The following NFRKB variants were observed in gnomAD, a reference collection of about 807,000 sequenced individuals.
NFRKB encodes nuclear factor related to kappa-B-binding protein.
NFRKB carries 62 observed loss-of-function variants against 135.7 expected under a neutral mutation model. That is an observed-to-expected ratio of 0.46 (90% CI 0.37 to 0.56). The LOEUF is 0.56. NFRKB is among the 20% of genes least tolerant of loss of function. The pLI is 0.00. For missense variants in NFRKB, 1,545 were observed against 1,662.0 expected (o/e 0.93, Z 1.22); for synonymous variants, 678 against 635.6 (o/e 1.07, Z -1.00).
chr11:129,866,119 G>C (rs1194640772), intron 24 of NFRKB, 136 bp from the exon 25 acceptor site: 1 of 677,790 alleles, frequency 1.5e-6, no homozygotes, highest in Non-Finnish European at 2.4e-6. Context: ...GGGTCTCAAG[G>C]CTCCTGAGGT....
rs887390573 is a variant in NFRKB, at chr11:129,894,339, C to G, written c.-22+20G>C. On this transcript the variant is annotated intron_variant, in intron 2 of 26. Coordinates refer to ENST00000682444, the MANE Select transcript of NFRKB (RefSeq NM_001143835.2). The stretch of plus-strand genomic sequence containing the variant: ...TTCCATATTCCACATTCCACAAACA[C>G]CACATTCCACAAATCTTACCACGCC... 6.6e-6 allele frequency: 1 copy of G among 152,212 alleles called. No individual in the cohort carries two copies. Among genetic ancestry groups the G allele is most frequent in the Non-Finnish European group, 1.5e-5 (1 of 68,040 alleles). 9.4% of individuals were successfully genotyped at this position (152,212 alleles called of 1,614,324 possible). A position where few individuals can be genotyped will look rare whatever the true frequency, so the allele number is the denominator to read the frequency against.
chr11:129,870,159 G>T lies in NFRKB; in HGVS notation c.2866C>A (p.Pro956Thr). Residue 956 changes from proline (P) to threonine (T), a missense_variant, in exon 24 of 27, where the codon CCG becomes ACG. Physicochemically the swap from Pro to Thr is conservative, Grantham distance 38. Around this residue, in one of 3 missense-constraint regions of NFRKB, gnomAD observed 753 missense variants for 804.3 expected, o/e 0.94. Transcript: ENST00000682444. ...GCATCTGTGGTGATGGAAGAGGGCG[G>T]CAGACGCAATACATCCTTACCCTGG... ...RIQGKDVLRL[P>T]PSSITTDAKG... 1 of 1,614,248 alleles carries T rather than the reference G, an allele frequency of 6.2e-7. No homozygotes were observed. The highest frequency in any genetic ancestry group is 8.5e-7 in the Non-Finnish European group (1 of 1,180,054).
intron 13 of NFRKB, among the ~76,000 whole-genome samples, chr11:129,880,057 T>C (rs1783909): frequency 0.77 from 117,401 of 151,982 alleles, 46,143 homozygotes; most frequent in African/African-American, 0.93. Flanking sequence ...CATGGTTGCG[T>C]ACGCCTGTGG....
At position 129,882,556 on chromosome 11, in the gene NFRKB, A is replaced by T; in HGVS notation, c.977T>A (p.Ile326Asn). The change falls in exon 10 of 27, where the codon ATC becomes AAC. Residue 326 changes from isoleucine to asparagine, a missense_variant. By Grantham distance (149) the Ile-to-Asn change is moderately radical. Transcript: ENST00000682444. ...EEKKKKKIKT[I>N]KSEAEDLAEP... ...GGCCAGGTCCTCTGCCTCTGATTTG[A>T]TCGTTTTTATTTTCTTCTTCTTCTT... is the stretch of plus-strand genomic sequence containing the variant. 1 of 1,613,854 alleles carries T rather than the reference A, an allele frequency of 6.2e-7. No homozygotes were observed. The highest frequency in any genetic ancestry group is 1.1e-5 in the South Asian group (1 of 91,052).
At position 129,887,961 on chromosome 11, in the gene NFRKB, C is replaced by T. The variant is rs182602708; in HGVS notation, c.337+633G>A. Among the ~76,000 whole-genome samples the T allele has an allele frequency of 1.7e-4, 26 of 152,276 alleles. No homozygotes were observed. In the East Asian group the frequency reaches 2.1e-3, roughly 12 times the overall value. ...CTGAGGCAGGAGAATGGCGTGAACGCGGGAGGCAGAGTTTGCAGTGAGCTG... is the reference window on the plus strand; with the variant it reads ...CTGAGGCAGGAGAATGGCGTGAACGTGGGAGGCAGAGTTTGCAGTGAGCTG... On this transcript the variant is annotated intron_variant, in intron 4 of 26. Transcript: ENST00000682444.
chr11:129,892,641 G>C, intron 3 of NFRKB, 74 bp downstream of exon 3: 3 of 1,501,418 alleles, frequency 2.0e-6, no homozygotes, highest in Middle Eastern at 2.4e-4. Flanking sequence ...GAAATGTAGA[G>C]TGGAAAAGGT....
At position 129,873,846 on chromosome 11, in the gene NFRKB, G is replaced by T. The variant is rs768491344; in HGVS notation, c.2449C>A (p.Pro817Thr). ...VVAQPSLPAV[P>T]QQSGGPAQTL... ...TGTGCCGGCCCTCCCGACTGCTGGGGAACAGCAGGAAGGCTAGGCTGGGCC... is the reference window on the plus strand; with the variant it reads ...TGTGCCGGCCCTCCCGACTGCTGGGTAACAGCAGGAAGGCTAGGCTGGGCC... The change falls in exon 22 of 27, where the codon CCC (proline) becomes ACC (threonine). Residue 817 changes from proline to threonine, a missense_variant. This residue lies in a region of NFRKB where 753 missense variants were observed against 804.3 expected (regional missense o/e 0.94). Coordinates refer to ENST00000682444, the MANE Select transcript of NFRKB (RefSeq NM_001143835.2). 9.3e-6 allele frequency: 15 copies of T among 1,614,070 alleles called. No homozygotes were observed. In the East Asian group the frequency reaches 2.9e-4, roughly 31 times the overall value.
chr11:129,874,245 G>A lies in NFRKB; in HGVS notation c.2147C>T (p.Pro716Leu). The part of the protein sequence containing the change: ...SQMSLSDSSM[P>L]PTPVTPVTPT... Reference sequence around the variant, plus strand: ...GGTTACAGGTGTGACTGGGGTGGGTGGCATACTGGAGTCACTGAGGCTCAT... The same window carrying A: ...GGTTACAGGTGTGACTGGGGTGGGTAGCATACTGGAGTCACTGAGGCTCAT... Residue 716 changes from proline (P) to leucine (L), a missense_variant, in exon 21 of 27, where the codon CCA becomes CTA. Transcript: ENST00000682444. This position sits in a 1 kb window ranked among gnomAD's most constrained non-coding sequence, Gnocchi z 4.5. The A allele has an allele frequency of 1.3e-6, 2 of 1,518,208 alleles. No homozygotes were observed. The highest frequency in any genetic ancestry group is 1.8e-6 in the Non-Finnish European group (2 of 1,135,710). 94.0% of individuals were successfully genotyped at this position (1,518,208 alleles called of 1,614,324 possible). A position where few individuals can be genotyped will look rare whatever the true frequency, so the allele number is the denominator to read the frequency against.
At chr11:129,864,875 G>A (rs1242494148) in intron 26 of NFRKB, 25 bp from the exon 27 acceptor site, 1 of 1,614,158 alleles carries the variant, frequency 6.2e-7, no homozygotes, top group South Asian at 1.1e-5. Context: ...AGAAGGTCAG[G>A]TCAATGGATT....
Position 129,874,911 on chromosome 11 carries a change from A to G in NFRKB, c.1860T>C (p.Asn620=). The G allele has an allele frequency of 6.2e-7, 1 of 1,614,212 alleles. No individual in the cohort carries two copies. The highest frequency in any genetic ancestry group is 8.5e-7 in the Non-Finnish European group (1 of 1,180,034). Reference sequence around the variant, plus strand: ...GATCCAGTGCACCACTCACTACTGTATTTACCTACAAATCAGACAAAGGGA... The same window carrying G: ...GATCCAGTGCACCACTCACTACTGTGTTTACCTACAAATCAGACAAAGGGA... ...LAPDVTSTQV[N]TVVSGALDRL... Residue 620 remains asparagine, a synonymous_variant, in exon 19 of 27, where the codon AAT becomes AAC. Coordinates refer to ENST00000682444, the MANE Select transcript of NFRKB (RefSeq NM_001143835.2). The surrounding 1 kb of genome is among the most constrained non-coding windows in gnomAD (Gnocchi z 4.5).
At chr11:129,877,768 GCTTGAGATC>G (rs1190997070) in intron 15 of NFRKB, among the ~76,000 whole-genome samples, 5 of 102,204 alleles carry the variant, frequency 4.9e-5, no homozygotes, top group Non-Finnish European at 1.0e-4. Flanking sequence ...AGTACCCGGG[GCTTGAGATC>G]TACACCTCTA....
At chr11:129,881,401 G>A in intron 13 of NFRKB, 42 bp downstream of exon 13, 3 of 1,597,500 alleles carry the variant, frequency 1.9e-6, no homozygotes, top group Non-Finnish European at 2.6e-6. Flanking sequence ...GAAGAAATGG[G>A]AGAACGAAAA....
intron 9 of NFRKB, among the ~76,000 whole-genome samples, chr11:129,882,911 G>C (rs1366872083): frequency 2.0e-5 from 3 of 151,994 alleles, no homozygotes; most frequent in Non-Finnish European, 2.9e-5. Flanking sequence ...AGCCTCCCAA[G>C]TATACAGCTT....
chr11:129,881,042 C>T (rs1160616561), intron 13 of NFRKB, among the ~76,000 whole-genome samples: 1 of 152,196 alleles, frequency 6.6e-6, no homozygotes, highest in Admixed American at 6.5e-5. Flanking sequence ...TCTTTAGAAA[C>T]AACTTATTCG....
Position 129,890,029 on chromosome 11 carries a change from G to GTTT in NFRKB, c.136-1237_136-1235dup, listed in dbSNP as rs371082832. Among the ~76,000 whole-genome samples the GTTT allele has an allele frequency of 2.3e-4, 31 of 134,236 alleles. 1 individual carries two copies. The highest frequency in any genetic ancestry group is 6.4e-4 in the East Asian group (3 of 4,668). 88.1% of individuals were successfully genotyped at this position (134,236 alleles called of 152,430 possible). ...TGTGTGATACTTTTTGGGTTTTTTT[G>GTTT]TTTTTTTTTTTTGTTTTTTTAGAGT... On this transcript the variant is annotated intron_variant, in intron 3 of 26. Coordinates refer to ENST00000682444, the MANE Select transcript of NFRKB (RefSeq NM_001143835.2).
chr11:129,884,748 C>T lies in NFRKB; in HGVS notation c.739G>A (p.Ala247Thr), dbSNP rs752173923. The T allele has an allele frequency of 2.9e-5, 47 of 1,613,602 alleles. No individual in the cohort carries two copies. Among genetic ancestry groups the T allele is most frequent in the Non-Finnish European group, 3.6e-5 (43 of 1,179,992 alleles). The change falls in exon 7 of 27, where the codon GCA becomes ACA. Residue 247 changes from alanine (A) to threonine (T), a missense_variant. Coordinates refer to ENST00000682444, the MANE Select transcript of NFRKB (RefSeq NM_001143835.2). The stretch of plus-strand genomic sequence containing the variant: ...ACAGCGGCAGCTTGGTTCTCACCTG[C>T]AGTTTTCATATCCGTGGTTGAAAGT... ...PTLSTTDMKT[A>T]DKVELGDSDL...
At position 129,881,737 on chromosome 11, in the gene NFRKB, T is replaced by C. The variant is rs764617266; in HGVS notation, c.1308A>G (p.Gly436=). The C allele has an allele frequency of 3.1e-6, 5 of 1,614,086 alleles. No homozygotes were observed. In the East Asian group the frequency reaches 1.1e-4, roughly 36 times the overall value. ...AAAAGAGCATCTTACCTCGACTTTCTCCAGCAAGATACTGCAGGGCTGGTA... is the reference window on the plus strand; with the variant it reads ...AAAAGAGCATCTTACCTCGACTTTCCCCAGCAAGATACTGCAGGGCTGGTA... ...LVLPALQYLA[G]ESRAVPSSFS... The change falls in exon 12 of 27, where the codon GGA becomes GGG. Residue 436 remains glycine (G), a synonymous_variant. Coordinates refer to ENST00000682444, the MANE Select transcript of NFRKB (RefSeq NM_001143835.2).
intron 26 of NFRKB, 40 bp downstream of exon 26, chr11:129,864,926 G>A (rs1005177429): frequency 1.2e-6 from 2 of 1,612,490 alleles, no homozygotes; most frequent in South Asian, 1.1e-5. Context: ...TGGAATCAGA[G>A]AGGAGCCGGA....
chr11:129,873,587 C>T (rs1948619283), intron 22 of NFRKB, among the ~76,000 whole-genome samples, 158 bp downstream of exon 22: 1 of 152,256 alleles, frequency 6.6e-6, no homozygotes, highest in Admixed American at 6.5e-5. Context: ...AACGCTTACA[C>T]AGCTCTGAAC....
Sources: gnomAD v4.1 joint callset for allele counts (sites outside exome capture counted in the v4.1 genomes callset) on GRCh38, gnomAD v4.1.1 for gene constraint, gnomAD v4.1.1 regional missense constraint, Gnocchi (gnomAD v3.1) non-coding constraint, MANE v1.5 for transcripts, NCBI Gene and HGNC (gene_info 2026-07-23, HGNC 2026-07-21) for gene names.